Variants in CHD5 observed in about 807,000 individuals in gnomAD.
CHD5 encodes the protein ATP-dependent chromatin remodeler CHD5.
A neutral mutation model predicts 230.3 loss-of-function variants in CHD5; 69 were observed. That is an observed-to-expected ratio of 0.30 (90% CI 0.25 to 0.37). The LOEUF is 0.37. Among genes scored for constraint, CHD5 ranks in the 10% least tolerant of loss-of-function variants. The pLI, the probability that CHD5 is intolerant of heterozygous loss-of-function variation, is 1.00. For missense variants in CHD5, 1,827 were observed against 2,622.8 expected, an observed-to-expected ratio of 0.70 and a Z score of 6.63; for synonymous variants, 1,064 against 1,065.9, an observed-to-expected ratio of 1.00 and a Z score of 0.03.
At chr1:6,164,528 C>A (rs141751454) in intron 2 of CHD5, among the ~76,000 whole-genome samples, 9 of 152,336 alleles carry the variant, frequency 5.9e-5, no homozygotes, top group South Asian at 4.1e-4. Flanking sequence ...GGCCTCCCCC[C>A]ACTAACAAAC....
At chr1:6,156,787 G>A (rs1222366350) in intron 3 of CHD5, among the ~76,000 whole-genome samples, 1 of 152,140 alleles carries the variant, frequency 6.6e-6, no homozygotes, top group African/African-American at 2.4e-5. Context: ...GAGGCCTGGG[G>A]TGGGGGGACA....
intron 34 of CHD5, 61 bp downstream of exon 34, chr1:6,112,848 T>A (rs1666315176): frequency 7.8e-7 from 1 of 1,288,992 alleles, no homozygotes; most frequent in Non-Finnish European, 1.1e-6. Flanking sequence ...CTGAACAGGG[T>A]CCAGAGGGCA....
At chr1:6,159,200 C>T in intron 3 of CHD5, 136 bp downstream of exon 3, 3 of 1,457,178 alleles carry the variant, frequency 2.1e-6, no homozygotes, top group Non-Finnish European at 1.8e-6. Flanking sequence ...CCACTGCACT[C>T]CAGCCTGGCA....
chr1:6,119,814 CGT>C (rs1491562128), intron 33 of CHD5, among the ~76,000 whole-genome samples: 5 of 144,982 alleles, frequency 3.4e-5, no homozygotes, highest in African/African-American at 1.3e-4. Context: ...TACATATATA[CGT>C]ATATATATAC....
At chr1:6,147,209 G>A (rs1666925745) in intron 9 of CHD5, among the ~76,000 whole-genome samples, 1 of 152,214 alleles carries the variant, frequency 6.6e-6, no homozygotes, top group African/African-American at 2.4e-5. Context: ...GGACAGCAGA[G>A]CAGGGAGCAG....
In CHD5 at chr1:6,110,180, C is replaced by T. The variant is rs554213553; in HGVS notation, c.5383-190G>A. Among the ~76,000 whole-genome samples the T allele has an allele frequency of 2.6e-4, 40 of 152,338 alleles. 1 individual carries two copies. The South Asian group carries it at 8.1e-3, about 31-fold the overall frequency. On this transcript the variant is annotated intron_variant, in intron 37 of 41. Transcript: ENST00000262450. Reference sequence around the variant, plus strand: ...TGTCACCAAGCTGGGTTCTCTGTACCCCAACACCCCAAGGCGGCAGATACT... The same window carrying T: ...TGTCACCAAGCTGGGTTCTCTGTACTCCAACACCCCAAGGCGGCAGATACT...
chr1:6,167,194 C>G lies in CHD5; in HGVS notation c.207+956G>C, dbSNP rs1667269437. Among the ~76,000 whole-genome samples, 1 of 151,444 alleles carries G rather than the reference C, an allele frequency of 6.6e-6. No homozygotes were observed. Among genetic ancestry groups the G allele is most frequent in the African/African-American group, 2.5e-5 (1 of 40,718 alleles). ...AGGTGGAGAGCTGGCCTCAGGTCCC[C>G]CCGGGGCAGGTGGGAGGGGAGAAAC... On this transcript the variant is annotated intron_variant, in intron 2 of 41. Coordinates refer to ENST00000262450, the MANE Select transcript of CHD5 (RefSeq NM_015557.3). The surrounding 1 kb of genome is among the most constrained non-coding windows in gnomAD (Gnocchi z 4.5).
chr1:6,161,738 T>C (rs1667180904), intron 2 of CHD5, among the ~76,000 whole-genome samples: 2 of 152,092 alleles, frequency 1.3e-5, no homozygotes, highest in African/African-American at 4.8e-5. Context: ...AGACCGCCCT[T>C]CAGGAGATCT....
intron 2 of CHD5, among the ~76,000 whole-genome samples, chr1:6,162,584 A>G (rs997959124): frequency 6.6e-6 from 1 of 152,106 alleles, no homozygotes; most frequent in East Asian, 1.9e-4. Flanking sequence ...GGCTGCAGTC[A>G]GAATGACCCT....
Position 6,146,534 on chromosome 1 carries a change from C to A in CHD5, c.1591-111G>T. On this transcript the variant is annotated intron_variant, in intron 10 of 41. Transcript: ENST00000262450. The surrounding 1 kb of genome is among the most constrained non-coding windows in gnomAD (Gnocchi z 5.1). ...CAGGTCCCAGGCAGGACAATCCTCC[C>A]GCTCAGCACCACCCCAACTCCCAAC... The A allele has an allele frequency of 7.2e-7, 1 of 1,385,808 alleles. No homozygotes were observed. Among genetic ancestry groups the A allele is most frequent in the South Asian group, 1.2e-5 (1 of 83,052 alleles). The allele number at this position is 1,385,808 out of a possible 1,614,324, so 85.8% of individuals were successfully genotyped here. A position where few individuals can be genotyped will look rare whatever the true frequency, so the allele number is the denominator to read the frequency against.
rs1356733966 is a variant in CHD5 at position 6,134,374 on chromosome 1, GC to G, written c.3013-116del. The G allele has an allele frequency of 1.1e-5, 14 of 1,286,622 alleles. No individual in the cohort carries two copies. The African/African-American group carries it at 1.9e-4, about 18-fold the overall frequency. 79.7% of individuals were successfully genotyped at this position (1,286,622 alleles called of 1,614,324 possible). On this transcript the variant is annotated intron_variant, in intron 19 of 41. Transcript: ENST00000262450. The surrounding 1 kb of genome is among the most constrained non-coding windows in gnomAD (Gnocchi z 6.3). ...TGAGCAATGGGGTGATGGCCTGTCTGCCCACTGAACATGAGACCCACACCCG... is the reference window on the plus strand; with the variant it reads ...TGAGCAATGGGGTGATGGCCTGTCTGCCACTGAACATGAGACCCACACCCG...
At chr1:6,115,057 A>C (rs12139924) in intron 33 of CHD5, among the ~76,000 whole-genome samples, 17,169 of 151,594 alleles carry the variant, frequency 0.11, 1,304 homozygotes, top group East Asian at 0.38. Flanking sequence ...TCACGCCTGT[A>C]ATCCCAGCAC....
chr1:6,110,288 G>T, intron 37 of CHD5, 106 bp downstream of exon 37: 2 of 1,325,704 alleles, frequency 1.5e-6, no homozygotes, highest in Non-Finnish European at 2.1e-6. Context: ...CGTGACCCAG[G>T]TACACGGGGA....
rs1254192943 is a variant in CHD5, at chr1:6,102,446, C to G, written c.*3028G>C. The stretch of plus-strand genomic sequence containing the variant: ...CACCAAGACGGTGAGGGCAGAGGGG[C>G]GTGCCAGCCTCGGCCCCCACCCACG... On this transcript the variant is annotated 3_prime_UTR_variant, in exon 42 of 42. Coordinates refer to ENST00000262450, the MANE Select transcript of CHD5 (RefSeq NM_015557.3). The G allele has an allele frequency of 6.6e-6, 1 of 152,586 alleles. No homozygotes were observed. The highest frequency in any genetic ancestry group is 1.5e-5 in the Non-Finnish European group (1 of 68,228). 9.5% of individuals were successfully genotyped at this position (152,586 alleles called of 1,614,324 possible).
intron 36 of CHD5, 61 bp downstream of exon 36, chr1:6,111,714 C>T: frequency 7.4e-7 from 1 of 1,348,580 alleles, no homozygotes. Context: ...TCAGAGGGCT[C>T]TCCCCGAGGT....
At position 6,154,624 on chromosome 1, in the gene CHD5, C is replaced by T; in HGVS notation, c.745+36G>A. On this transcript the variant is annotated intron_variant, in intron 5 of 41. Transcript: ENST00000262450. This position sits in a 1 kb window ranked among gnomAD's most constrained non-coding sequence, Gnocchi z 7.0. ...ATAGGGTCTGAAAGGGACCTCTTCC[C>T]AGCGGGACTAGGTGCCCACCCAACC... The T allele has an allele frequency of 6.6e-7, 1 of 1,520,190 alleles. No individual in the cohort carries two copies. The highest frequency in any genetic ancestry group is 1.3e-5 in the South Asian group (1 of 76,834). The allele number at this position is 1,520,190 out of a possible 1,614,324, so 94.2% of individuals were successfully genotyped here.
chr1:6,111,187 A>G (rs1219001381), intron 36 of CHD5, among the ~76,000 whole-genome samples: 1 of 146,860 alleles, frequency 6.8e-6, no homozygotes, highest in East Asian at 2.1e-4. Flanking sequence ...CTGAGATCGC[A>G]CCACTGCACT....
intron 2 of CHD5, among the ~76,000 whole-genome samples, chr1:6,161,186 G>A (rs940506383): frequency 9.2e-5 from 14 of 152,202 alleles, no homozygotes; most frequent in South Asian, 2.1e-4. Flanking sequence ...CAGCAAAGGC[G>A]GGGGGCCTCC....
Position 6,121,191 on chromosome 1 carries a change from T to C in CHD5, c.4826A>G (p.Glu1609Gly), listed in dbSNP as rs1477004432. The C allele has an allele frequency of 1.2e-6, 2 of 1,613,834 alleles. No individual in the cohort carries two copies. The highest frequency in any genetic ancestry group is 2.2e-5 in the East Asian group (1 of 44,878). ...GGCTCTCTCCTTGCTGGCTGGGCTC[T>C]CGTGCTTGTCCTCACTCTCCACTCT... ...LDRVESEDKH[E>G]SPASKERARE... The change falls in exon 33 of 42, where the codon GAG (glutamate) becomes GGG (glycine). Residue 1609 changes from glutamate (E) to glycine (G), a missense_variant. Glu to Gly is a moderately conservative substitution (Grantham distance 98). This residue lies in a region of CHD5 where 272 missense variants were observed against 263.2 expected (regional missense o/e 1.03). Coordinates refer to ENST00000262450, the MANE Select transcript of CHD5 (RefSeq NM_015557.3). The surrounding 1 kb of genome is among the most constrained non-coding windows in gnomAD (Gnocchi z 4.5).
Sources: gnomAD v4.1 joint callset for allele counts (sites outside exome capture counted in the v4.1 genomes callset) on GRCh38, gnomAD v4.1.1 for gene constraint, gnomAD v4.1.1 regional missense constraint, Gnocchi (gnomAD v3.1) non-coding constraint, MANE v1.5 for transcripts, NCBI Gene and HGNC (gene_info 2026-07-23, HGNC 2026-07-21) for gene names.